FER1L6: variants seen among roughly 807,000 people sequenced by gnomAD.
FER1L6 encodes the protein fer-1 like family member 6.
FER1L6 carries 177 observed loss-of-function variants against 219.2 expected under a neutral mutation model. That is an observed-to-expected ratio of 0.81 (90% CI 0.71 to 0.91). FER1L6 has a LOEUF of 0.91. Ranked by LOEUF, FER1L6 falls within the 40% of genes least tolerant of loss-of-function variation. The probability of loss-of-function intolerance (pLI) is 0.00; values close to 1 mark genes in which losing one functional copy is unlikely to be tolerated. For missense variants in FER1L6, 2,153 were observed against 2,259.9 expected (o/e 0.95, Z 0.96); for synonymous variants, 768 against 824.3 (o/e 0.93, Z 1.17).
chr8:124,040,099 C>CA, intron 20 of FER1L6, 93 bp downstream of exon 20: 1 of 1,493,592 alleles, frequency 6.7e-7, no homozygotes, highest in Non-Finnish European at 9.2e-7. Flanking sequence ...GGGCATGTTG[C>CA]AAATACCTGC....
At chr8:123,931,753 T>C (rs892498948) in intron 1 of FER1L6, among the ~76,000 whole-genome samples, 2 of 152,256 alleles carry the variant, frequency 1.3e-5, no homozygotes, top group African/African-American at 4.8e-5. Context: ...TGTTTCTTTT[T>C]GTTGCAAATA....
chr8:123,963,129 T>G, intron 2 of FER1L6, 149 bp from the exon 3 acceptor site: 1 of 1,005,872 alleles, frequency 9.9e-7, no homozygotes, highest in Non-Finnish European at 1.4e-6. Flanking sequence ...TTTCTGCCAA[T>G]AAGATGTTAA....
At chr8:123,953,769 G>T (rs957740024) in intron 1 of FER1L6, among the ~76,000 whole-genome samples, 2 of 152,206 alleles carry the variant, frequency 1.3e-5, no homozygotes, top group African/African-American at 4.8e-5. Context: ...ACGTTCCCAG[G>T]AACATCAGAT....
intron 1 of FER1L6, among the ~76,000 whole-genome samples, chr8:123,920,469 G>C (rs529551486): frequency 2.0e-5 from 3 of 152,226 alleles, no homozygotes; most frequent in African/African-American, 7.2e-5. Flanking sequence ...CGATTAGACT[G>C]GTTCTGTGGT....
At chr8:123,905,705 T>C (rs1487794080) in intron 1 of FER1L6, among the ~76,000 whole-genome samples, 1 of 152,236 alleles carries the variant, frequency 6.6e-6, no homozygotes, top group African/African-American at 2.4e-5. Flanking sequence ...TTACGTGTGA[T>C]AATATATATA....
chr8:123,982,515 T>C (rs987163077), intron 11 of FER1L6, among the ~76,000 whole-genome samples: 4 of 152,166 alleles, frequency 2.6e-5, no homozygotes, highest in Non-Finnish European at 5.9e-5. Context: ...TAAACCCTTA[T>C]TTCCCCTCCC....
chr8:124,013,216 C>A (rs1818024169), intron 14 of FER1L6, among the ~76,000 whole-genome samples: 1 of 152,098 alleles, frequency 6.6e-6, no homozygotes, highest in Admixed American at 6.6e-5. Flanking sequence ...TGGGAGAAGA[C>A]TTGTATGTGG....
chr8:124,051,926 G>A (rs1407649322), intron 22 of FER1L6, among the ~76,000 whole-genome samples: 1 of 152,182 alleles, frequency 6.6e-6, no homozygotes, highest in African/African-American at 2.4e-5. Flanking sequence ...GAGAAAAAGT[G>A]AGCTCTCTGT....
chr8:123,942,201 A>G (rs538921603), intron 1 of FER1L6, among the ~76,000 whole-genome samples: 1 of 151,320 alleles, frequency 6.6e-6, no homozygotes, highest in Non-Finnish European at 1.5e-5. Flanking sequence ...CTTCTCCCCA[A>G]CCCCTCCCCA....
chr8:123,983,599 C>G (rs539464610), intron 11 of FER1L6, among the ~76,000 whole-genome samples: 1 of 152,234 alleles, frequency 6.6e-6, no homozygotes, highest in African/African-American at 2.4e-5. Flanking sequence ...GTTAAGCCCC[C>G]AAGTAAGAGA....
chr8:124,039,744 A>G, intron 19 of FER1L6, 138 bp from the exon 20 acceptor site: 1 of 1,059,954 alleles, frequency 9.4e-7, no homozygotes, highest in Non-Finnish European at 1.4e-6. Flanking sequence ...CCTGTCTCAG[A>G]GGAGGGTGGA....
At position 123,927,120 on chromosome 8, in the gene FER1L6, A is replaced by C. The variant is rs6984227; in HGVS notation, c.-7-28872A>C. 7.6e-3 allele frequency among the ~76,000 whole-genome samples: 1,160 copies of C among 151,698 alleles called. 14 individuals carry two copies. The highest frequency in any genetic ancestry group is 0.027 in the African/African-American group (1,097 of 41,310). The stretch of plus-strand genomic sequence containing the variant: ...TAGTAAGAACACTGGAGCCCAGAGA[A>C]CTTTTGTAATTTGCCCAGGGTCATA... On this transcript the variant is annotated intron_variant, in intron 1 of 40. Coordinates refer to ENST00000522917, the MANE Select transcript of FER1L6 (RefSeq NM_001039112.2).
chr8:123,854,662 T>G (rs1042894641), intron 1 of FER1L6, among the ~76,000 whole-genome samples: 3 of 152,160 alleles, frequency 2.0e-5, no homozygotes, highest in South Asian at 4.1e-4. Context: ...CCTTCTCATT[T>G]TGTCTAAGCC....
intron 39 of FER1L6, among the ~76,000 whole-genome samples, chr8:124,104,876 G>A (rs1022543911): frequency 6.6e-6 from 1 of 151,970 alleles, no homozygotes; most frequent in Non-Finnish European, 1.5e-5. Flanking sequence ...TATTTACTGA[G>A]CTTCTATTAA....
intron 31 of FER1L6, among the ~76,000 whole-genome samples, chr8:124,074,959 G>C (rs988244771): frequency 3.9e-5 from 6 of 152,170 alleles, no homozygotes; most frequent in Non-Finnish European, 8.8e-5. Context: ...TGGTACACCT[G>C]TCTAGGGCAC....
At chr8:123,996,164 T>C (rs7827923) in intron 12 of FER1L6, among the ~76,000 whole-genome samples, 8,605 of 152,196 alleles carry the variant, frequency 0.057, 568 homozygotes, top group African/African-American at 0.16. Flanking sequence ...ATATCTATTA[T>C]GTCCATTTGT....
At chr8:123,925,702 G>A (rs567682880) in intron 1 of FER1L6, 2 of 152,318 alleles carry the variant, frequency 1.3e-5, no homozygotes, top group Non-Finnish European at 2.9e-5. Flanking sequence ...GTCTTGCCCA[G>A]ACCCCAGAGT....
At chr8:123,893,267 C>T (rs559607546) in intron 1 of FER1L6, among the ~76,000 whole-genome samples, 6 of 152,242 alleles carry the variant, frequency 3.9e-5, no homozygotes, top group African/African-American at 1.4e-4. Flanking sequence ...GGAGATTATG[C>T]TACCAGATTA....
At chr8:123,876,303 A>G (rs1586434095) in intron 1 of FER1L6, among the ~76,000 whole-genome samples, 1 of 147,278 alleles carries the variant, frequency 6.8e-6, no homozygotes, top group African/African-American at 2.5e-5. Context: ...TTCTTCCTTC[A>G]CTCAGATCTA....
Sources: gnomAD v4.1 joint callset for allele counts (sites outside exome capture counted in the v4.1 genomes callset) on GRCh38, gnomAD v4.1.1 for gene constraint, MANE v1.5 for transcripts, NCBI Gene and HGNC (gene_info 2026-07-23, HGNC 2026-07-21) for gene names.